The following TMEM63B variants were observed in gnomAD, a reference collection of about 807,000 sequenced individuals.
TMEM63B encodes mechanosensitive cation channel TMEM63B.
In TMEM63B, 23 loss-of-function variants were observed where a neutral mutation model predicts 102.6. The ratio of observed to expected loss-of-function variants is 0.22; its 90% CI spans 0.16 to 0.32. The LOEUF (loss-of-function observed/expected upper bound fraction) is 0.32, where lower values mean the gene tolerates loss of function less well. Ranked by LOEUF, TMEM63B falls within the 10% of genes least tolerant of loss-of-function variation. The probability of loss-of-function intolerance (pLI) is 1.00; values close to 1 mark genes in which losing one functional copy is unlikely to be tolerated. For synonymous variants in TMEM63B, 444 were observed against 437.0 expected (o/e 1.02, Z -0.20); for missense variants, 628 against 1,095.9 (o/e 0.57, Z 6.03).
chr6:44,141,874 C>A (rs542290208), intron 10 of TMEM63B, among the ~76,000 whole-genome samples: 3 of 152,098 alleles, frequency 2.0e-5, no homozygotes, highest in Non-Finnish European at 4.4e-5. Context: ...GTAATCCCAG[C>A]ACTTTGGGAG....
chr6:44,134,457 G>A, intron 1 of TMEM63B, 104 bp from the exon 2 acceptor site: 1 of 1,241,144 alleles, frequency 8.1e-7, no homozygotes, highest in Non-Finnish European at 1.1e-6. Context: ...CATCCACCCA[G>A]GCAGCCTGGT....
chr6:44,153,465 C>T (rs1767238806), intron 20 of TMEM63B, among the ~76,000 whole-genome samples: 1 of 152,168 alleles, frequency 6.6e-6, no homozygotes, highest in African/African-American at 2.4e-5. Context: ...TAGTAGAATT[C>T]CTGATGAGGA....
intron 4 of TMEM63B, 60 bp downstream of exon 4, chr6:44,135,426 C>T (rs1762747744): frequency 1.4e-5 from 21 of 1,553,556 alleles, no homozygotes; most frequent in South Asian, 3.5e-5. Context: ...TCTTCTCTCA[C>T]GCTTCTCTTC....
chr6:44,130,623 G>T (rs1778082487), intron 1 of TMEM63B, among the ~76,000 whole-genome samples: 1 of 151,524 alleles, frequency 6.6e-6, no homozygotes, highest in Admixed American at 6.6e-5. Context: ...GTGGTGGGGG[G>T]TATCTTTTGT....
chr6:44,147,584 C>T, intron 12 of TMEM63B, 84 bp downstream of exon 12: 13 of 1,537,628 alleles, frequency 8.5e-6, no homozygotes, highest in Non-Finnish European at 1.1e-5. Context: ...TCAGTGAGTC[C>T]CCACCTGTCC....
At chr6:44,136,503 A>T in intron 5 of TMEM63B, 64 bp downstream of exon 5, 1 of 1,139,546 alleles carries the variant, frequency 8.8e-7, no homozygotes, top group Non-Finnish European at 1.3e-6. Context: ...TGGGCTGAGA[A>T]GTCCCTCACT....
chr6:44,136,218 T>C, intron 4 of TMEM63B, 131 bp from the exon 5 acceptor site: 1 of 700,048 alleles, frequency 1.4e-6, no homozygotes, highest in East Asian at 2.6e-5. Context: ...GTCATTCCTC[T>C]CTGCTTCAGC....
In TMEM63B at chr6:44,154,739, G is replaced by A. The variant is rs776176370; in HGVS notation, c.2355G>A (p.Gly785=). The part of the protein sequence containing the change: ...VLQDSEVDGD[G]DGAPGSSGDE... ...AGGACTCAGAGGTGGACGGGGATGG[G>A]GATGGGGCTCCTGGGAGCTCAGGGG... The change falls in exon 24 of 24, where the codon GGG becomes GGA. Residue 785 remains glycine (G), a synonymous_variant. Transcript: ENST00000323267. 1.3e-6 allele frequency: 2 copies of A among 1,590,992 alleles called. No individual in the cohort carries two copies. Among genetic ancestry groups the A allele is most frequent in the Admixed American group, 3.6e-5 (2 of 55,436 alleles).
At chr6:44,147,015 A>C (rs1484058919) in intron 11 of TMEM63B, 88 bp downstream of exon 11, 12 of 1,430,882 alleles carry the variant, frequency 8.4e-6, no homozygotes, top group African/African-American at 1.4e-5. Context: ...CTCCCCTTCT[A>C]GATTTTTTCC....
At chr6:44,131,740 C>CA (rs1778325921) in intron 1 of TMEM63B, among the ~76,000 whole-genome samples, 1 of 150,752 alleles carries the variant, frequency 6.6e-6, no homozygotes, top group South Asian at 2.1e-4. Context: ...AACAACCCCC[C>CA]CAAAAAAAAG....
chr6:44,148,424 C>T lies in TMEM63B; in HGVS notation c.1121+39C>T, dbSNP rs1765876783. ...TCGGCCCTCGGCCCTGAGCAGCCCT[C>T]CAGGGCTCCCTGACCCCTGTGCTCA... On this transcript the variant is annotated intron_variant, in intron 13 of 23. Coordinates refer to ENST00000323267, the MANE Select transcript of TMEM63B (RefSeq NM_018426.3). The surrounding 1 kb of genome is among the most constrained non-coding windows in gnomAD (Gnocchi z 5.1). 1.2e-6 allele frequency: 2 copies of T among 1,613,780 alleles called. 1 individual carries two copies. Among genetic ancestry groups the T allele is most frequent in the South Asian group, 2.2e-5 (2 of 91,074 alleles).
At chr6:44,138,736 G>GTCCCCCCCCCCCCCC (rs567563400) in intron 6 of TMEM63B, 17 of 288,600 alleles carry the variant, frequency 5.9e-5, no homozygotes, top group Admixed American at 1.0e-4. Flanking sequence ...CCCCCTGCCG[G>GTCCCCCCCCCCCCCC]CCCCCCCGCT....
In TMEM63B at chr6:44,139,321, G is replaced by T; in HGVS notation, c.408-146G>T. ...CCCTTCACAGAAAATAGGGGACCAA[G>T]AAGTCCCATTTCAGCCCTATACTAC... On this transcript the variant is annotated intron_variant, in intron 6 of 23. Coordinates refer to ENST00000323267, the MANE Select transcript of TMEM63B (RefSeq NM_018426.3). 3.4e-5 allele frequency: 31 copies of T among 913,364 alleles called. 1 individual carries two copies. The South Asian group carries it at 4.7e-4, about 14-fold the overall frequency. 56.6% of individuals were successfully genotyped at this position (913,364 alleles called of 1,614,324 possible).
rs756291893 is a variant in TMEM63B, at chr6:44,152,579, C to T, written c.1837-14C>T. 36 of 1,603,628 alleles carry T rather than the reference C, an allele frequency of 2.2e-5. No homozygotes were observed. Among genetic ancestry groups the T allele is most frequent in the African/African-American group, 6.7e-5 (5 of 74,792 alleles). On this transcript the variant is annotated splice_polypyrimidine_tract_variant and intron_variant, in intron 19 of 23. Coordinates refer to ENST00000323267, the MANE Select transcript of TMEM63B (RefSeq NM_018426.3). The surrounding 1 kb of genome is among the most constrained non-coding windows in gnomAD (Gnocchi z 6.4). The stretch of plus-strand genomic sequence containing the variant: ...TGCCTCCCTGAGCCATCCTCCTGCC[C>T]GTCTCCCCCCCAGCATCAGGCCTAC...
intron 1 of TMEM63B, among the ~76,000 whole-genome samples, chr6:44,128,057 G>T (rs1264436266): frequency 6.6e-6 from 1 of 151,804 alleles, no homozygotes; most frequent in Admixed American, 6.6e-5. Context: ...GTCCGCCGCC[G>T]TTTGGGGAAC....
At chr6:44,133,891 A>G (rs1297331285) in intron 1 of TMEM63B, among the ~76,000 whole-genome samples, 1 of 152,218 alleles carries the variant, frequency 6.6e-6, no homozygotes, top group Non-Finnish European at 1.5e-5. Flanking sequence ...AACTGGAGAG[A>G]GGACTATGGT....
Position 44,134,862 on chromosome 6 carries a change from T to TCC in TMEM63B, c.159+122_159+123dup, listed in dbSNP as rs1042281963. On this transcript the variant is annotated intron_variant, in intron 2 of 23. Coordinates refer to ENST00000323267, the MANE Select transcript of TMEM63B (RefSeq NM_018426.3). Reference sequence around the variant, plus strand: ...GTTTCCCAGGCTTAAGCAGGAGGAGTCCCCATCATCCAGCCCAAGCCTCGC... The same window carrying TCC: ...GTTTCCCAGGCTTAAGCAGGAGGAGTCCCCCCATCATCCAGCCCAAGCCTCGC... 2.0e-6 allele frequency: 3 copies of TCC among 1,484,200 alleles called. No individual in the cohort carries two copies. The African/African-American group carries it at 4.1e-5, about 20-fold the overall frequency. The allele number at this position is 1,484,200 out of a possible 1,614,324, so 91.9% of individuals were successfully genotyped here.
At chr6:44,131,739 C>CG (rs1481136877) in intron 1 of TMEM63B, among the ~76,000 whole-genome samples, 1 of 150,718 alleles carries the variant, frequency 6.6e-6, no homozygotes, top group East Asian at 2.0e-4. Flanking sequence ...CAACAACCCC[C>CG]CCAAAAAAAA....
chr6:44,154,477 T>C (rs2128280362), intron 23 of TMEM63B, 32 bp downstream of exon 23: 1 of 1,611,742 alleles, frequency 6.2e-7, no homozygotes, highest in African/African-American at 1.3e-5. Flanking sequence ...GAGGGGCCTC[T>C]GACAGACTCA....
Sources: allele counts gnomAD v4.1 joint callset (sites outside exome capture counted in the v4.1 genomes callset), GRCh38; gene constraint gnomAD v4.1.1; non-coding constraint Gnocchi (gnomAD v3.1); transcripts MANE v1.5; gene names NCBI Gene and HGNC (gene_info 2026-07-23, HGNC 2026-07-21).